Variants in TRPC4 observed in about 807,000 individuals in gnomAD.
TRPC4 encodes the protein short transient receptor potential channel 4.
TRPC4 carries 49 observed loss-of-function variants against 99.4 expected under a neutral mutation model. That is an observed-to-expected ratio of 0.49 (90% CI 0.39 to 0.63). The LOEUF is 0.63. Among genes scored for constraint, TRPC4 ranks in the 20% least tolerant of loss-of-function variants. The pLI, the probability that TRPC4 is intolerant of heterozygous loss-of-function variation, is 0.00. For missense variants in TRPC4, 898 were observed against 1,152.9 expected, an observed-to-expected ratio of 0.78 and a Z score of 3.20; for synonymous variants, 454 against 425.9, an observed-to-expected ratio of 1.07 and a Z score of -0.81.
chr13:37,754,026 G>A (rs1476629628), intron 2 of TRPC4, among the ~76,000 whole-genome samples: 1 of 152,014 alleles, frequency 6.6e-6, no homozygotes, highest in Non-Finnish European at 1.5e-5. Context: ...TATGACTCAG[G>A]GACTCTGGTT....
rs544333014 is a variant in TRPC4 at position 37,854,884 on chromosome 13, T to G, written c.-28+14711A>C. On this transcript the variant is annotated intron_variant, in intron 1 of 10. Transcript: ENST00000379705. ...AACAACAAAATGGTAGGAGTAAGTC[T>G]CCCATCCAAGTATTAACCAAGCCTG... is the stretch of plus-strand genomic sequence containing the variant. 2.0e-5 allele frequency: 3 copies of G among 151,984 alleles called. No individual in the cohort carries two copies. In the South Asian group the frequency reaches 6.2e-4, roughly 32 times the overall value. The allele number at this position is 151,984 out of a possible 1,614,324, so 9.4% of individuals were successfully genotyped here.
intron 2 of TRPC4, among the ~76,000 whole-genome samples, chr13:37,782,384 C>T (rs989383852): frequency 2.6e-5 from 4 of 152,110 alleles, no homozygotes; most frequent in Non-Finnish European, 5.9e-5. Flanking sequence ...GTTAAGCCCA[C>T]AGTCAGAGTT....
Position 37,637,633 on chromosome 13 carries a change from G to C in TRPC4, c.2212-8C>G. 6.4e-7 allele frequency: 1 copy of C among 1,554,076 alleles called. No homozygotes were observed. The highest frequency in any genetic ancestry group is 8.7e-7 in the Non-Finnish European group (1 of 1,155,688). ...AATGTCTTGCTTTAGTTCCTACGTA[G>C]AATTTAAAATGAAAAATTCGGTTAT... On this transcript the variant is annotated splice_region_variant and splice_polypyrimidine_tract_variant and intron_variant, in intron 10 of 10. Transcript: ENST00000379705.
chr13:37,821,965 C>G (rs964543277), intron 1 of TRPC4, among the ~76,000 whole-genome samples: 1 of 151,850 alleles, frequency 6.6e-6, no homozygotes, highest in Non-Finnish European at 1.5e-5. Flanking sequence ...ACAAATGAAA[C>G]CTAATTAAAC....
chr13:37,665,423 G>A (rs1356759357), intron 5 of TRPC4, among the ~76,000 whole-genome samples: 1 of 152,144 alleles, frequency 6.6e-6, no homozygotes, highest in African/African-American at 2.4e-5. Flanking sequence ...GAAACAAGAA[G>A]TATTCTTAAT....
At chr13:37,667,843 A>G (rs1177319762) in intron 5 of TRPC4, among the ~76,000 whole-genome samples, 1 of 152,200 alleles carries the variant, frequency 6.6e-6, no homozygotes, top group Non-Finnish European at 1.5e-5. Flanking sequence ...CATTCTTACC[A>G]AAATGCTTTT....
At chr13:37,641,385 C>A (rs544808004) in intron 8 of TRPC4, among the ~76,000 whole-genome samples, 1 of 152,200 alleles carries the variant, frequency 6.6e-6, no homozygotes, top group Non-Finnish European at 1.5e-5. Context: ...TTTTTGCCAA[C>A]CAATTATATT....
intron 3 of TRPC4, among the ~76,000 whole-genome samples, chr13:37,695,184 TTTCC>T (rs1245215959): frequency 6.6e-6 from 1 of 152,118 alleles, no homozygotes; most frequent in Non-Finnish European, 1.5e-5. Context: ...TCTTCCCTTC[TTTCC>T]TTCCTTCCTT....
chr13:37,773,677 A>G (rs1956620984), intron 2 of TRPC4, among the ~76,000 whole-genome samples: 1 of 151,748 alleles, frequency 6.6e-6, no homozygotes, highest in African/African-American at 2.4e-5. Flanking sequence ...ACTTACCACA[A>G]GGGTTGTTAT....
At chr13:37,674,167 T>C in intron 5 of TRPC4, 61 bp downstream of exon 5, 1 of 1,420,704 alleles carries the variant, frequency 7.0e-7, no homozygotes, top group Non-Finnish European at 9.3e-7. Context: ...TTAATATCAG[T>C]TGAAAGTATA....
chr13:37,639,434 G>T, intron 8 of TRPC4, 135 bp from the exon 9 acceptor site: 1 of 779,884 alleles, frequency 1.3e-6, no homozygotes, highest in Admixed American at 2.7e-5. Flanking sequence ...ATGGACAATG[G>T]CTAAAGAGTG....
intron 2 of TRPC4, among the ~76,000 whole-genome samples, chr13:37,778,361 A>G (rs553959934): frequency 8.5e-4 from 130 of 152,166 alleles, no homozygotes; most frequent in African/African-American, 3.0e-3. Flanking sequence ...TAAGTGAGAT[A>G]AAACAAGTAA....
chr13:37,731,489 C>G (rs1281307119), intron 3 of TRPC4, among the ~76,000 whole-genome samples: 1 of 151,428 alleles, frequency 6.6e-6, no homozygotes, highest in African/African-American at 2.4e-5. Flanking sequence ...TAAGTAAAAC[C>G]AAAATGATAA....
chr13:37,656,218 C>T (rs937744093), intron 6 of TRPC4, among the ~76,000 whole-genome samples: 2 of 151,882 alleles, frequency 1.3e-5, no homozygotes, highest in African/African-American at 4.8e-5. Flanking sequence ...TTCAAAGGGA[C>T]CATAATAATA....
At chr13:37,655,778 C>A (rs1952208310) in intron 6 of TRPC4, among the ~76,000 whole-genome samples, 1 of 152,058 alleles carries the variant, frequency 6.6e-6, no homozygotes, top group Non-Finnish European at 1.5e-5. Context: ...TAGCAGAGAA[C>A]ATATGGCTCA....
intron 2 of TRPC4, among the ~76,000 whole-genome samples, chr13:37,763,635 T>G (rs1193104828): frequency 6.6e-6 from 1 of 151,616 alleles, no homozygotes; most frequent in Non-Finnish European, 1.5e-5. Flanking sequence ...AGTACAAGCA[T>G]ACAATAGGCA....
Position 37,663,740 on chromosome 13 carries a change from CAG to C in TRPC4, c.1375-13_1375-12del. On this transcript the variant is annotated splice_polypyrimidine_tract_variant and intron_variant, in intron 5 of 10. Transcript: ENST00000379705. Reference sequence around the variant, plus strand: ...ATTAAGGGCACTGTACTGGAAAAAACAGAGAAACAAAGGGAAAGTAAAACAAA... The same window carrying C: ...ATTAAGGGCACTGTACTGGAAAAAACAGAAACAAAGGGAAAGTAAAACAAA... The C allele has an allele frequency of 3.1e-6, 5 of 1,588,150 alleles. No homozygotes were observed. Among genetic ancestry groups the C allele is most frequent in the Non-Finnish European group, 4.3e-6 (5 of 1,168,548 alleles).
At chr13:37,741,865 A>G (rs544364009) in intron 3 of TRPC4, among the ~76,000 whole-genome samples, 3 of 151,904 alleles carry the variant, frequency 2.0e-5, no homozygotes, top group Non-Finnish European at 4.4e-5. Flanking sequence ...TGGATTTGCA[A>G]TCTGGCCCCA....
intron 1 of TRPC4, among the ~76,000 whole-genome samples, chr13:37,859,337 T>C (rs1959206604): frequency 6.6e-6 from 1 of 151,382 alleles, no homozygotes; most frequent in Non-Finnish European, 1.5e-5. Flanking sequence ...TCTAAAGAGA[T>C]AGTGACCAAA....
Sources: gnomAD v4.1 joint callset for allele counts (sites outside exome capture counted in the v4.1 genomes callset) on GRCh38, gnomAD v4.1.1 for gene constraint, MANE v1.5 for transcripts, NCBI Gene and HGNC (gene_info 2026-07-23, HGNC 2026-07-21) for gene names.